PLB1: variants seen among roughly 807,000 people sequenced by gnomAD.
PLB1 encodes phospholipase B1.
Under a neutral mutation model 227.4 loss-of-function variants are expected in PLB1, and 242 were observed. The ratio of observed to expected loss-of-function variants is 1.06; its 90% confidence interval spans 0.96 to 1.18. The LOEUF is 1.18. PLB1 is among the 50% of genes most tolerant of loss of function. The pLI is 0.00. For synonymous variants in PLB1, 757 were observed against 682.2 expected (o/e 1.11, Z -1.71); for missense variants, 1,858 against 1,816.3 (o/e 1.02, Z -0.42).
At chr2:28,596,964 T>C (rs1200750698) in intron 33 of PLB1, among the ~76,000 whole-genome samples, 1 of 152,202 alleles carries the variant, frequency 6.6e-6, no homozygotes, top group Non-Finnish European at 1.5e-5. Context: ...GGCCACGTTC[T>C]TAAAATCCAT....
intron 17 of PLB1, among the ~76,000 whole-genome samples, chr2:28,556,124 T>A (rs6712639): frequency 0.64 from 97,348 of 152,016 alleles, 31,972 homozygotes; most frequent in Non-Finnish European, 0.72. Flanking sequence ...CAGCCTCCCA[T>A]AGTGCTGGGA....
chr2:28,545,764 G>A (rs920361574), intron 14 of PLB1, among the ~76,000 whole-genome samples: 3 of 152,096 alleles, frequency 2.0e-5, no homozygotes, highest in Non-Finnish European at 4.4e-5. Flanking sequence ...CTGGGACATC[G>A]AGGTGGAAGG....
chr2:28,597,834 AG>A (rs1414102026), intron 33 of PLB1, among the ~76,000 whole-genome samples, 170 bp from the exon 34 acceptor site: 5 of 152,168 alleles, frequency 3.3e-5, no homozygotes, highest in African/African-American at 1.2e-4. Flanking sequence ...CCAATATGTT[AG>A]GGGCTTAAAA....
intron 41 of PLB1, 69 bp from the exon 42 acceptor site, chr2:28,605,784 G>T: frequency 7.5e-7 from 1 of 1,335,020 alleles, no homozygotes; most frequent in East Asian, 2.3e-5. Context: ...CAGTCCCAGG[G>T]CCAAGTCCGC....
At chr2:28,636,221 G>T (rs1014921333) in intron 56 of PLB1, among the ~76,000 whole-genome samples, 1 of 152,150 alleles carries the variant, frequency 6.6e-6, no homozygotes, top group South Asian at 2.1e-4. Flanking sequence ...ACCATGACCA[G>T]CTAATTTTTG....
rs1423326019 is a variant in PLB1 at position 28,644,125 on chromosome 2, C to T, written c.*1064C>T. Among the ~76,000 whole-genome samples the T allele has an allele frequency of 6.6e-6, 1 of 152,176 alleles. No homozygotes were observed. Among genetic ancestry groups the T allele is most frequent in the Non-Finnish European group, 1.5e-5 (1 of 68,034 alleles). Reference sequence around the variant, plus strand: ...GAATTTCACTTCAATAAAAAAGAATCCAGGGAGGTAGACATCATCTGCATT... The same window carrying T: ...GAATTTCACTTCAATAAAAAAGAATTCAGGGAGGTAGACATCATCTGCATT... On this transcript the variant is annotated 3_prime_UTR_variant, in exon 58 of 58. Transcript: ENST00000327757.
rs984983667 is a variant in PLB1 at position 28,540,288 on chromosome 2, A to G, written c.699-78A>G. ...GCAACTCCTATGCCCCTTCTTCCAT[A>G]AGAGGCGGGCTGGATGCATCCCCTT... On this transcript the variant is annotated intron_variant, in intron 11 of 57. Transcript: ENST00000327757. The G allele has an allele frequency of 2.5e-6, 3 of 1,207,488 alleles. No homozygotes were observed. The Admixed American group carries it at 5.2e-5, about 21-fold the overall frequency. 74.8% of individuals were successfully genotyped at this position (1,207,488 alleles called of 1,614,324 possible). A position where few individuals can be genotyped will look rare whatever the true frequency, so the allele number is the denominator to read the frequency against.
intron 9 of PLB1, 42 bp downstream of exon 9, chr2:28,532,236 G>T (rs1266551380): frequency 1.3e-6 from 2 of 1,524,882 alleles, no homozygotes; most frequent in South Asian, 1.1e-5. Context: ...CAGATGCTGG[G>T]GTGGAGAGGG....
chr2:28,595,199 A>T (rs894883824), intron 33 of PLB1: 7 of 152,214 alleles, frequency 4.6e-5, no homozygotes, highest in East Asian at 1.9e-4. Context: ...GTTTCTTCCA[A>T]CAAGTGAAGT....
chr2:28,580,355 C>T (rs1451450193), intron 23 of PLB1, among the ~76,000 whole-genome samples: 1 of 152,208 alleles, frequency 6.6e-6, no homozygotes, highest in Non-Finnish European at 1.5e-5. Flanking sequence ...GAGAGACAGG[C>T]AGTTCATCAC....
At chr2:28,516,665 A>G (rs1225759330) in intron 1 of PLB1, 143 bp from the exon 2 acceptor site, 3 of 699,026 alleles carry the variant, frequency 4.3e-6, no homozygotes, top group Non-Finnish European at 7.4e-6. Context: ...TAGCTGGACA[A>G]ATAGAATCTG....
chr2:28,611,985 C>T (rs769002510), intron 43 of PLB1, among the ~76,000 whole-genome samples: 5 of 151,974 alleles, frequency 3.3e-5, no homozygotes, highest in Admixed American at 6.6e-5. Context: ...ACTAAAAATA[C>T]AAAAAATAAA....
At chr2:28,577,909 C>T (rs148640334) in intron 21 of PLB1, among the ~76,000 whole-genome samples, 198 bp from the exon 22 acceptor site, 91 of 152,318 alleles carry the variant, frequency 6.0e-4, no homozygotes, top group African/African-American at 2.1e-3. Context: ...CTGGCCTTCC[C>T]AAGCACAGTC....
intron 23 of PLB1, among the ~76,000 whole-genome samples, chr2:28,580,310 G>A (rs1008576748): frequency 1.3e-5 from 2 of 152,206 alleles, no homozygotes; most frequent in African/African-American, 4.8e-5. Flanking sequence ...GGAAACACAG[G>A]CCCTGTCCTC....
At chr2:28,497,019 G>A (rs1215804821) in intron 1 of PLB1, among the ~76,000 whole-genome samples, 1 of 152,208 alleles carries the variant, frequency 6.6e-6, no homozygotes, top group Admixed American at 6.5e-5. Context: ...GCTCTGAGCC[G>A]TGGGGGAGAA....
rs768118291 is a variant in PLB1, at chr2:28,541,784, C to A, written c.852C>A (p.Phe284Leu). The A allele has an allele frequency of 6.2e-7, 1 of 1,611,976 alleles. No homozygotes were observed. The highest frequency in any genetic ancestry group is 1.1e-5 in the South Asian group (1 of 90,982). The stretch of plus-strand genomic sequence containing the variant: ...TCACCGTGGTTTTCCAGCCTTTCTT[C>A]TATGAGACCACCCCATCTCTACACT... Reference protein sequence around the residue: ...ESFTVVFQPFFYETTPSLHSE... With the variant: ...ESFTVVFQPFLYETTPSLHSE... The change falls in exon 13 of 58, where the codon TTC (phenylalanine) becomes TTA (leucine). Residue 284 changes from phenylalanine to leucine, a missense_variant. Coordinates refer to ENST00000327757, the MANE Select transcript of PLB1 (RefSeq NM_153021.5).
At chr2:28,533,745 C>T (rs1671321306) in intron 9 of PLB1, among the ~76,000 whole-genome samples, 2 of 152,208 alleles carry the variant, frequency 1.3e-5, no homozygotes, top group Non-Finnish European at 2.9e-5. Context: ...TACTTAGACT[C>T]ATCAATGATT....
chr2:28,529,662 C>T (rs1180725380), intron 7 of PLB1, 66 bp from the exon 8 acceptor site: 6 of 1,505,542 alleles, frequency 4.0e-6, no homozygotes, highest in South Asian at 1.1e-5. Flanking sequence ...TGGCAAGGGG[C>T]AAGCTTCCAG....
chr2:28,606,862 G>A (rs1456911341), intron 43 of PLB1, among the ~76,000 whole-genome samples: 2 of 152,194 alleles, frequency 1.3e-5, no homozygotes, highest in African/African-American at 4.8e-5. Flanking sequence ...AAATCAGGAT[G>A]CCAGGAAAAT....
Sources: gnomAD v4.1 joint callset for allele counts (sites outside exome capture counted in the v4.1 genomes callset) on GRCh38, gnomAD v4.1.1 for gene constraint, MANE v1.5 for transcripts, NCBI Gene and HGNC (gene_info 2026-07-23, HGNC 2026-07-21) for gene names.